Variants in CDH12 observed in about 807,000 individuals in gnomAD.
CDH12 encodes the protein cadherin-12.
CDH12 carries 41 observed loss-of-function variants against 74.1 expected under a neutral mutation model. The ratio of observed to expected loss-of-function variants is 0.55; its 90% CI spans 0.43 to 0.72. The LOEUF (loss-of-function observed/expected upper bound fraction) is 0.72, where lower values mean the gene tolerates loss of function less well. CDH12 is among the 30% of genes least tolerant of loss of function. The probability of loss-of-function intolerance (pLI) is 0.00; values close to 1 mark genes in which losing one functional copy is unlikely to be tolerated. For synonymous variants in CDH12, 399 were observed against 355.0 expected (o/e 1.12, Z -1.39); for missense variants, 945 against 977.2 (o/e 0.97, Z 0.44).
intron 1 of CDH12, among the ~76,000 whole-genome samples, chr5:22,736,729 C>T (rs531924057): frequency 4.0e-5 from 6 of 151,872 alleles, no homozygotes; most frequent in African/African-American, 9.7e-5. Context: ...CACACACACA[C>T]ACACAAAAAG....
At chr5:22,714,295 A>T (rs1409393023) in intron 1 of CDH12, among the ~76,000 whole-genome samples, 1 of 152,174 alleles carries the variant, frequency 6.6e-6, no homozygotes, top group Non-Finnish European at 1.5e-5. Context: ...ATGTAGAAGC[A>T]AACTTTCTAA....
At chr5:22,116,016 G>T (rs1314963585) in intron 4 of CDH12, among the ~76,000 whole-genome samples, 1 of 152,032 alleles carries the variant, frequency 6.6e-6, no homozygotes, top group East Asian at 1.9e-4. Flanking sequence ...ATCTCCTCAT[G>T]TCATATTCAT....
At chr5:22,780,054 C>G (rs1198003911) in intron 1 of CDH12, among the ~76,000 whole-genome samples, 1 of 152,066 alleles carries the variant, frequency 6.6e-6, no homozygotes, top group Non-Finnish European at 1.5e-5. Flanking sequence ...TTAAAATAAG[C>G]AAACTGGTTT....
intron 3 of CDH12, among the ~76,000 whole-genome samples, chr5:22,270,877 T>G (rs1736370478): frequency 6.6e-6 from 1 of 152,006 alleles, no homozygotes; most frequent in Non-Finnish European, 1.5e-5. Flanking sequence ...GGTTTCACCA[T>G]GTTGGCCAGG....
intron 1 of CDH12, among the ~76,000 whole-genome samples, chr5:22,713,885 A>T (rs577764330): frequency 6.6e-6 from 1 of 152,272 alleles, no homozygotes; most frequent in East Asian, 1.9e-4. Context: ...GCTATTACCA[A>T]TGTATCACTG....
At chr5:22,342,581 T>G (rs1418559049) in intron 3 of CDH12, among the ~76,000 whole-genome samples, 1 of 102,204 alleles carries the variant, frequency 9.8e-6, no homozygotes, top group Non-Finnish European at 2.0e-5. Context: ...CCTCCCTCCA[T>G]CCTTCCTTCC....
intron 9 of CDH12, among the ~76,000 whole-genome samples, chr5:21,815,741 G>A (rs375341503): frequency 3.3e-5 from 5 of 152,150 alleles, no homozygotes; most frequent in South Asian, 2.1e-4. Flanking sequence ...GAGCTTACAC[G>A]CATCAGTATG....
intron 3 of CDH12, among the ~76,000 whole-genome samples, chr5:22,299,855 T>C (rs1345582511): frequency 6.6e-6 from 1 of 152,182 alleles, no homozygotes; most frequent in Non-Finnish European, 1.5e-5. Context: ...AAAGAGAGTA[T>C]AGTAATATTT....
intron 8 of CDH12, among the ~76,000 whole-genome samples, chr5:21,823,830 G>A (rs773090725): frequency 5.3e-5 from 8 of 151,990 alleles, no homozygotes; most frequent in Non-Finnish European, 7.4e-5. Flanking sequence ...CTACATCAGT[G>A]TGACTCACAG....
intron 1 of CDH12, among the ~76,000 whole-genome samples, chr5:22,662,068 G>A (rs568181111): frequency 6.6e-6 from 1 of 152,078 alleles, no homozygotes; most frequent in Non-Finnish European, 1.5e-5. Flanking sequence ...AGTGTGCACT[G>A]AACTCTAAGT....
chr5:22,624,373 C>T (rs949741381), intron 1 of CDH12, among the ~76,000 whole-genome samples: 5 of 152,098 alleles, frequency 3.3e-5, no homozygotes, highest in African/African-American at 9.7e-5. Flanking sequence ...GAACAGGCAA[C>T]CTACAGAATG....
intron 10 of CDH12, among the ~76,000 whole-genome samples, chr5:21,795,496 G>A (rs1351936950): frequency 1.3e-5 from 2 of 151,850 alleles, no homozygotes; most frequent in African/African-American, 4.8e-5. Flanking sequence ...TTTTAGGTGT[G>A]TGGGATCTAT....
chr5:21,880,330 T>C (rs1322158666), intron 6 of CDH12, among the ~76,000 whole-genome samples: 4 of 152,238 alleles, frequency 2.6e-5, no homozygotes, highest in Admixed American at 6.5e-5. Flanking sequence ...TTCCTTCTAC[T>C]GGAGTCATGC....
chr5:22,334,211 T>C (rs1009066623), intron 3 of CDH12, among the ~76,000 whole-genome samples: 3 of 150,598 alleles, frequency 2.0e-5, no homozygotes, highest in African/African-American at 7.4e-5. Flanking sequence ...CAGTAAGCAA[T>C]CTAAAAAAAA....
chr5:22,377,257 G>T (rs1231315149), intron 3 of CDH12, among the ~76,000 whole-genome samples: 1 of 152,136 alleles, frequency 6.6e-6, no homozygotes, highest in Non-Finnish European at 1.5e-5. Context: ...CTCTTGTGTA[G>T]AAAAACTTAC....
intron 8 of CDH12, among the ~76,000 whole-genome samples, chr5:21,819,353 AG>A (rs760325653): frequency 1.3e-5 from 2 of 152,192 alleles, no homozygotes; most frequent in Admixed American, 6.6e-5. Context: ...ACTAAACTTA[AG>A]GACAAATTCC....
At chr5:22,334,523 A>C (rs1414233566) in intron 3 of CDH12, among the ~76,000 whole-genome samples, 2 of 152,176 alleles carry the variant, frequency 1.3e-5, no homozygotes, top group Admixed American at 1.3e-4. Flanking sequence ...CTTATAGGGA[A>C]ATACAAAAGA....
chr5:22,473,167 T>C (rs1348139053), intron 2 of CDH12, among the ~76,000 whole-genome samples: 2 of 152,146 alleles, frequency 1.3e-5, no homozygotes, highest in African/African-American at 2.4e-5. Context: ...ATTTTGAATA[T>C]GACTCAATTT....
chr5:22,609,920 A>G (rs1410842201), intron 1 of CDH12, among the ~76,000 whole-genome samples: 1 of 152,244 alleles, frequency 6.6e-6, no homozygotes, highest in Non-Finnish European at 1.5e-5. Context: ...TGATTTACAA[A>G]CTGATTAACA....
Sources: allele counts gnomAD v4.1 joint callset (sites outside exome capture counted in the v4.1 genomes callset), GRCh38; gene constraint gnomAD v4.1.1; transcripts MANE v1.5; gene names NCBI Gene and HGNC (gene_info 2026-07-23, HGNC 2026-07-21).